SERINC2: variants seen among roughly 807,000 people sequenced by gnomAD.
SERINC2 encodes serine incorporator 2.
SERINC2 carries 56 observed loss-of-function variants against 54.2 expected under a neutral mutation model. The ratio of observed to expected loss-of-function variants is 1.03; its 90% CI spans 0.83 to 1.29. The LOEUF (loss-of-function observed/expected upper bound fraction) is 1.29, where lower values mean the gene tolerates loss of function less well. SERINC2 is among the 50% of genes most tolerant of loss of function. The pLI is 0.00. For missense variants in SERINC2, 614 were observed against 607.4 expected (o/e 1.01, Z -0.12); for synonymous variants, 272 against 253.1 (o/e 1.07, Z -0.71).
chr1:31,432,089 TGGACA>T, intron 8 of SERINC2, among the ~76,000 whole-genome samples: 2 of 120,926 alleles, frequency 1.7e-5, no homozygotes, highest in African/African-American at 3.6e-5. Context: ...GTGGTTAGGG[TGGACA>T]GGGTGGACAG....
At chr1:31,423,074 T>G (rs1640940242) in intron 1 of SERINC2, among the ~76,000 whole-genome samples, 1 of 152,252 alleles carries the variant, frequency 6.6e-6, no homozygotes, top group Non-Finnish European at 1.5e-5. Flanking sequence ...AAGCTCCTGC[T>G]GTGTGACAGA....
chr1:31,432,465 G>T (rs57778263), intron 8 of SERINC2, among the ~76,000 whole-genome samples: 137 of 152,082 alleles, frequency 9.0e-4, no homozygotes, highest in African/African-American at 3.1e-3. Flanking sequence ...GGAGGCCATT[G>T]GTAAAACCAC....
chr1:31,432,314 T>C (rs1641323483), intron 8 of SERINC2, among the ~76,000 whole-genome samples: 1 of 151,924 alleles, frequency 6.6e-6, no homozygotes, highest in South Asian at 2.1e-4. Flanking sequence ...TTCACTTTTG[T>C]TTGGAAACGT....
chr1:31,426,593 A>C, intron 5 of SERINC2, 61 bp from the exon 6 acceptor site: 1,659 of 1,213,068 alleles, frequency 1.4e-3, no homozygotes, highest in Non-Finnish European at 1.8e-3. Flanking sequence ...TCGAGGGAGT[A>C]GGGATCCCTG....
In SERINC2 at chr1:31,428,826, AGGT is replaced by A. The variant is rs1420122030; in HGVS notation, c.781-149_781-147del. 57 of 651,944 alleles carry A rather than the reference AGGT, an allele frequency of 8.7e-5. No homozygotes were observed. In the African/African-American group the frequency reaches 1.0e-3, roughly 11 times the overall value. The allele number at this position is 651,944 out of a possible 1,614,324, so 40.4% of individuals were successfully genotyped here. A position where few individuals can be genotyped will look rare whatever the true frequency, so the allele number is the denominator to read the frequency against. On this transcript the variant is annotated intron_variant, in intron 6 of 9. Transcript: ENST00000373709. ...GCCTTTGGTTAGTGAGGTGGGTGGT[AGGT>A]GGCCTGCTTGGTGTTTTCCCTAAGT...
chr1:31,413,738 C>T lies in SERINC2; in HGVS notation c.39+434C>T, dbSNP rs1232142896. On this transcript the variant is annotated intron_variant, in intron 1 of 9. Transcript: ENST00000373709. The surrounding 1 kb of genome is among the most constrained non-coding windows in gnomAD (Gnocchi z 5.0). ...GTCGCCCGGGCCCCGTCCCTCCTGG[C>T]GAGTGCCCTGCCCTACCCCTCTGGC... 4.9e-5 allele frequency: 65 copies of T among 1,319,568 alleles called. No homozygotes were observed. The Admixed American group carries it at 1.3e-3, about 27-fold the overall frequency. The allele number at this position is 1,319,568 out of a possible 1,614,324, so 81.7% of individuals were successfully genotyped here.
chr1:31,421,238 T>C (rs782023400), intron 1 of SERINC2, among the ~76,000 whole-genome samples: 2 of 152,196 alleles, frequency 1.3e-5, no homozygotes, highest in Non-Finnish European at 2.9e-5. Flanking sequence ...TGGAACAGTT[T>C]CATCCCAAAA....
upstream of SERINC2, chr1:31,413,140 C>A (rs1284720022): frequency 7.0e-6 from 7 of 1,001,992 alleles, no homozygotes; most frequent in African/African-American, 1.1e-4. This position sits in a 1 kb window ranked among gnomAD's most constrained non-coding sequence, Gnocchi z 5.0. Flanking sequence ...AAGCGTCGAG[C>A]GGCTTCGGTA....
At chr1:31,429,135 G>T (rs1641125884) in intron 7 of SERINC2, 67 bp downstream of exon 7, 2 of 1,410,496 alleles carry the variant, frequency 1.4e-6, no homozygotes, top group Admixed American at 1.7e-5. Context: ...CTACTGTGGG[G>T]CTGGGGACCC....
At chr1:31,432,010 GA>G in intron 8 of SERINC2, among the ~76,000 whole-genome samples, 1 of 147,186 alleles carries the variant, frequency 6.8e-6, no homozygotes, top group African/African-American at 2.6e-5. Context: ...GGATAGGGTG[GA>G]TAGGGTGGAC....
upstream of SERINC2, among the ~76,000 whole-genome samples, chr1:31,412,690 G>C (rs1349786392): frequency 3.9e-5 from 6 of 152,194 alleles, no homozygotes; most frequent in African/African-American, 7.2e-5. Context: ...GAAGAAAACA[G>C]TGACGATGGG....
chr1:31,433,613 G>C (rs1452620344), intron 9 of SERINC2, among the ~76,000 whole-genome samples: 1 of 152,158 alleles, frequency 6.6e-6, no homozygotes, highest in Non-Finnish European at 1.5e-5. Context: ...TGGTCATTTG[G>C]TTAAAGTTAA....
intron 8 of SERINC2, 98 bp downstream of exon 8, chr1:31,429,636 G>A: frequency 4.6e-6 from 6 of 1,302,178 alleles, no homozygotes; most frequent in Non-Finnish European, 6.4e-6. Context: ...ACTGGAACGT[G>A]CTCTTCACAT....
At chr1:31,430,171 TC>T (rs1641158109) in intron 8 of SERINC2, among the ~76,000 whole-genome samples, 1 of 152,054 alleles carries the variant, frequency 6.6e-6, no homozygotes, top group Admixed American at 6.6e-5. Flanking sequence ...AATAGTACCT[TC>T]CTCATTGGAT....
intron 6 of SERINC2, 101 bp from the exon 7 acceptor site, chr1:31,428,877 G>A: frequency 3.3e-6 from 3 of 905,388 alleles, no homozygotes; most frequent in Middle Eastern, 3.0e-4. Context: ...GGTATCCTAG[G>A]TGGGTGGGAG....
chr1:31,432,248 G>C (rs1235776664), intron 8 of SERINC2, among the ~76,000 whole-genome samples: 2 of 151,782 alleles, frequency 1.3e-5, no homozygotes, highest in African/African-American at 4.9e-5. Flanking sequence ...CTGACTCACA[G>C]CAAGGGGTGA....
At chr1:31,417,956 A>G (rs910740694) in intron 1 of SERINC2, among the ~76,000 whole-genome samples, 2 of 142,922 alleles carry the variant, frequency 1.4e-5, no homozygotes, top group Non-Finnish European at 3.0e-5. Flanking sequence ...TCCCGGGTTC[A>G]AGCAATTCTC....
Position 31,424,744 on chromosome 1 carries a change from G to C in SERINC2, c.263G>C (p.Cys88Ser). 6.2e-7 allele frequency: 1 copy of C among 1,610,872 alleles called. No homozygotes were observed. The highest frequency in any genetic ancestry group is 8.5e-7 in the Non-Finnish European group (1 of 1,178,792). The change falls in exon 3 of 10, where the codon TGT becomes TCT. Residue 88 changes from cysteine (C) to serine (S), a missense_variant. Cys to Ser is a moderately radical substitution (Grantham distance 112). Coordinates refer to ENST00000373709, the MANE Select transcript of SERINC2 (RefSeq NM_178865.5). Reference protein sequence around the residue: ...IPTVLQGHIDCGSLLGYRAVY... With the variant: ...IPTVLQGHIDSGSLLGYRAVY... ...ACCGTCCTGCAGGGCCACATCGACT[G>C]TGGCTCCCTGCTTGGCTACCGCGCT...
intron 8 of SERINC2, among the ~76,000 whole-genome samples, chr1:31,430,912 C>T: frequency 6.6e-6 from 1 of 152,224 alleles, no homozygotes; most frequent in East Asian, 1.9e-4. Context: ...TCCAACAGCA[C>T]CCCTGCCCCC....
Sources: gnomAD v4.1 joint callset for allele counts (sites outside exome capture counted in the v4.1 genomes callset) on GRCh38, gnomAD v4.1.1 for gene constraint, Gnocchi (gnomAD v3.1) non-coding constraint, MANE v1.5 for transcripts, NCBI Gene and HGNC (gene_info 2026-07-23, HGNC 2026-07-21) for gene names.